Variants in SEL1L3 observed in about 807,000 individuals in gnomAD.
The protein encoded by SEL1L3 is protein sel-1 homolog 3.
In SEL1L3, 76 loss-of-function variants were observed where a neutral mutation model predicts 142.8. That is an observed-to-expected ratio of 0.53 (90% confidence interval 0.44 to 0.64). The LOEUF (loss-of-function observed/expected upper bound fraction) is 0.64. Among genes scored for constraint, SEL1L3 ranks in the 30% least tolerant of loss-of-function variants. The pLI, the probability that SEL1L3 is intolerant of heterozygous loss-of-function variation, is 0.00. For missense variants in SEL1L3, 1,262 were observed against 1,381.7 expected (o/e 0.91, Z 1.37); for synonymous variants, 504 against 519.6 (o/e 0.97, Z 0.41).
the SEL1L3 span, among the ~76,000 whole-genome samples, chr4:25,733,986 C>T: frequency 6.6e-6 from 1 of 151,862 alleles, no homozygotes. Context: ...TGAGGAAGTC[C>T]CTTTCTCTTC....
intron 1 of SEL1L3, among the ~76,000 whole-genome samples, chr4:25,857,893 C>G (rs894336562): frequency 6.6e-6 from 1 of 152,226 alleles, no homozygotes; most frequent in African/African-American, 2.4e-5. Flanking sequence ...TTGGAGGAGA[C>G]AGATATTGCC....
intron 2 of SEL1L3, among the ~76,000 whole-genome samples, chr4:25,842,757 A>G (rs58299391): frequency 0.023 from 3,540 of 152,376 alleles, 124 homozygotes; most frequent in African/African-American, 0.079. Context: ...GGGGCCTATG[A>G]TCAGCATCAG....
At chr4:25,754,224 C>T (rs1435286536) in intron 23 of SEL1L3, among the ~76,000 whole-genome samples, 1 of 150,638 alleles carries the variant, frequency 6.6e-6, no homozygotes, top group Non-Finnish European at 1.5e-5. Flanking sequence ...ATCACTTGAA[C>T]CCAGGAGGTG....
chr4:25,851,193 A>T (rs544641175), intron 1 of SEL1L3, among the ~76,000 whole-genome samples: 1 of 152,320 alleles, frequency 6.6e-6, no homozygotes, highest in South Asian at 2.1e-4. Context: ...AATTCACACC[A>T]CACAATTCAC....
At chr4:25,765,596 A>AG (rs1718667264) in intron 19 of SEL1L3, among the ~76,000 whole-genome samples, 161 bp from the exon 20 acceptor site, 1 of 152,168 alleles carries the variant, frequency 6.6e-6, no homozygotes, top group African/African-American at 2.4e-5. Context: ...ACAAGCAAAA[A>AG]GGCTTTTTGC....
At chr4:25,799,067 T>C (rs1047394464) in intron 11 of SEL1L3, among the ~76,000 whole-genome samples, 2 of 151,958 alleles carry the variant, frequency 1.3e-5, no homozygotes, top group Non-Finnish European at 2.9e-5. Context: ...GTTGCCTGTG[T>C]CCTACTCTGT....
chr4:25,824,907 G>T (rs1369266794), intron 6 of SEL1L3, among the ~76,000 whole-genome samples: 1 of 152,192 alleles, frequency 6.6e-6, no homozygotes, highest in African/African-American at 2.4e-5. Flanking sequence ...GAAAAATCTA[G>T]ATGGCTTTTG....
Position 25,855,763 on chromosome 4 carries a change from G to GA in SEL1L3, c.162+6911dup, listed in dbSNP as rs199696597. ...ACAACAGAGCGAGATTCCGTCTCAGGAAAAAAAAAAAGCACTGGGCATGGG... is the reference window on the plus strand; with the variant it reads ...ACAACAGAGCGAGATTCCGTCTCAGGAAAAAAAAAAAAGCACTGGGCATGGG... On this transcript the variant is annotated intron_variant, in intron 1 of 23. Transcript: ENST00000399878. Among the ~76,000 whole-genome samples, 618 of 145,094 alleles carry GA rather than the reference G, an allele frequency of 4.3e-3. 2 individuals are homozygous for GA. The highest frequency in any genetic ancestry group is 0.013 in the African/African-American group (519 of 39,884).
chr4:25,749,177 C>T (rs1038468859), intron 23 of SEL1L3, among the ~76,000 whole-genome samples: 34 of 152,042 alleles, frequency 2.2e-4, no homozygotes, highest in South Asian at 2.1e-4. Flanking sequence ...TTGAGTCTCC[C>T]GGGCCTCGGT....
chr4:25,763,229 G>T (rs1265453891), intron 20 of SEL1L3, among the ~76,000 whole-genome samples: 1 of 150,372 alleles, frequency 6.7e-6, no homozygotes, highest in African/African-American at 2.4e-5. Context: ...CAGGAAATAT[G>T]ACCTAAGGGA....
downstream of SEL1L3, among the ~76,000 whole-genome samples, chr4:25,743,432 TG>T (rs1225861631): frequency 6.6e-6 from 1 of 152,164 alleles, no homozygotes; most frequent in Non-Finnish European, 1.5e-5. Context: ...AAGTTTATTT[TG>T]CCAAAGTCAA....
At chr4:25,803,442 T>A (rs1190052215) in intron 10 of SEL1L3, among the ~76,000 whole-genome samples, 5 of 152,228 alleles carry the variant, frequency 3.3e-5, no homozygotes, top group Non-Finnish European at 5.9e-5. Context: ...AAACCACGCA[T>A]ACACAATCAC....
At chr4:25,737,010 A>T in the SEL1L3 span, among the ~76,000 whole-genome samples, 1 of 77,436 alleles carries the variant, frequency 1.3e-5, no homozygotes, top group African/African-American at 4.1e-5. Context: ...TTTTTGAGAC[A>T]GAGTCTCACT....
chr4:25,834,182 T>G (rs1371503371), intron 3 of SEL1L3, among the ~76,000 whole-genome samples: 5 of 152,190 alleles, frequency 3.3e-5, no homozygotes, highest in African/African-American at 1.2e-4. Context: ...CTGGGGCTAT[T>G]TTAGTCGAAA....
chr4:25,821,367 A>G (rs574031244), intron 7 of SEL1L3, among the ~76,000 whole-genome samples: 138 of 152,326 alleles, frequency 9.1e-4, no homozygotes, highest in Non-Finnish European at 1.4e-3. Context: ...AAAGCAGCCC[A>G]GAAAACAAGT....
intron 2 of SEL1L3, among the ~76,000 whole-genome samples, chr4:25,835,957 C>T (rs1715790271): frequency 6.6e-6 from 1 of 152,130 alleles, no homozygotes; most frequent in African/African-American, 2.4e-5. Flanking sequence ...TTTAACAGAT[C>T]GAAAACTGAG....
At chr4:25,811,423 T>G (rs963419149) in intron 9 of SEL1L3, among the ~76,000 whole-genome samples, 10 of 150,250 alleles carry the variant, frequency 6.7e-5, no homozygotes, top group Admixed American at 6.6e-5. Flanking sequence ...TGAGGGAGAG[T>G]GGGAGAAATG....
At chr4:25,726,658 G>T in the SEL1L3 span, among the ~76,000 whole-genome samples, 8 of 152,196 alleles carry the variant, frequency 5.3e-5, no homozygotes, top group Admixed American at 5.2e-4. Context: ...GAACGGGCCA[G>T]GTTTCCCTGC....
At chr4:25,718,615 G>A in the SEL1L3 span, 6 of 152,138 alleles carry the variant, frequency 3.9e-5, no homozygotes, top group South Asian at 4.1e-4. Flanking sequence ...TCAGTTTATC[G>A]TAGACAAACA....
Sources: allele counts gnomAD v4.1 joint callset (sites outside exome capture counted in the v4.1 genomes callset), GRCh38; gene constraint gnomAD v4.1.1; transcripts MANE v1.5; gene names NCBI Gene and HGNC (gene_info 2026-07-23, HGNC 2026-07-21).